The following KDM4C variants were observed in gnomAD, a reference collection of about 807,000 sequenced individuals.
KDM4C encodes the protein lysine-specific demethylase 4C.
Under a neutral mutation model 129.3 loss-of-function variants are expected in KDM4C, and 81 were observed. That is an observed-to-expected ratio of 0.63 (90% CI 0.52 to 0.75). The LOEUF (loss-of-function observed/expected upper bound fraction) is 0.75. Among genes scored for constraint, KDM4C ranks in the 30% least tolerant of loss-of-function variants. The pLI is 0.00. For missense variants in KDM4C, 1,457 were observed against 1,304.0 expected, an observed-to-expected ratio of 1.12 and a Z score of -1.81; for synonymous variants, 573 against 456.1, an observed-to-expected ratio of 1.26 and a Z score of -3.26.
intron 2 of KDM4C, among the ~76,000 whole-genome samples, chr9:6,797,983 AATCT>A (rs770888517): frequency 6.6e-6 from 1 of 152,188 alleles, no homozygotes; most frequent in Non-Finnish European, 1.5e-5. Flanking sequence ...TTAACTTTGG[AATCT>A]TTTAAAGATC....
chr9:7,000,411 T>G (rs1428752952), intron 12 of KDM4C, among the ~76,000 whole-genome samples: 2 of 152,238 alleles, frequency 1.3e-5, no homozygotes, highest in African/African-American at 2.4e-5. Context: ...TGATCAGGTT[T>G]CTGAATGTGC....
At chr9:6,890,709 G>A (rs1487157016) in intron 7 of KDM4C, among the ~76,000 whole-genome samples, 1 of 152,050 alleles carries the variant, frequency 6.6e-6, no homozygotes, top group East Asian at 1.9e-4. Flanking sequence ...CCATGGAGCG[G>A]GAAAAGTAGT....
At chr9:6,997,237 C>T (rs1017140482) in intron 12 of KDM4C, among the ~76,000 whole-genome samples, 4 of 152,060 alleles carry the variant, frequency 2.6e-5, no homozygotes, top group Admixed American at 1.3e-4. Flanking sequence ...AAGTTGTGGC[C>T]GTTGAGGAGA....
chr9:6,742,690 T>C (rs989207086), intron 1 of KDM4C, among the ~76,000 whole-genome samples: 2 of 151,304 alleles, frequency 1.3e-5, no homozygotes. Flanking sequence ...AATTTTTTTT[T>C]TTTTAGAAGG....
In KDM4C at chr9:6,811,244, G is replaced by A. The variant is rs1283488381; in HGVS notation, c.321-3387G>A. ...TCTCGGCTCACTGCAACCTCCGCCT[G>A]CTGGGTTCAAGTGATTCTCCTGCCT... On this transcript the variant is annotated intron_variant, in intron 3 of 21. Coordinates refer to ENST00000381309, the MANE Select transcript of KDM4C (RefSeq NM_015061.6). Among the ~76,000 whole-genome samples the A allele has an allele frequency of 3.9e-5, 6 of 152,068 alleles. No individual in the cohort carries two copies. In the East Asian group the frequency reaches 9.7e-4, roughly 25 times the overall value.
chr9:6,918,213 A>G (rs1820687534), intron 8 of KDM4C, among the ~76,000 whole-genome samples: 2 of 151,994 alleles, frequency 1.3e-5, no homozygotes, highest in African/African-American at 2.4e-5. Context: ...TACAGTTCCC[A>G]TCTTTGTGTC....
At chr9:7,049,379 G>T (rs978618825) in intron 17 of KDM4C, among the ~76,000 whole-genome samples, 179 bp downstream of exon 17, 3 of 151,468 alleles carry the variant, frequency 2.0e-5, no homozygotes, top group Admixed American at 6.6e-5. Context: ...CTGTTATATT[G>T]TAAGTTTGCA....
intron 8 of KDM4C, among the ~76,000 whole-genome samples, chr9:6,919,283 C>A (rs540648135): frequency 3.1e-3 from 199 of 63,210 alleles, no homozygotes; most frequent in African/African-American, 0.01. Context: ...GTCTCTCTCT[C>A]TCTCTTTCTT....
chr9:7,106,169 T>A (rs188543579), intron 18 of KDM4C, among the ~76,000 whole-genome samples: 1 of 152,352 alleles, frequency 6.6e-6, no homozygotes, highest in Admixed American at 6.5e-5. Context: ...AACTAACCAG[T>A]AGGAATTTAT....
intron 12 of KDM4C, among the ~76,000 whole-genome samples, chr9:6,992,720 C>G (rs956868905): frequency 1.3e-5 from 2 of 152,192 alleles, no homozygotes; most frequent in Non-Finnish European, 2.9e-5. Flanking sequence ...TGGGAGCATA[C>G]AATTCCAAAT....
chr9:6,859,473 CAA>C (rs58056883), intron 5 of KDM4C, among the ~76,000 whole-genome samples: 2,031 of 47,698 alleles, frequency 0.043, 5 homozygotes, highest in African/African-American at 0.09. Flanking sequence ...GACTCTGTCT[CAA>C]AAAAAAAAAA....
chr9:6,823,964 A>T (rs1235395383), intron 4 of KDM4C, among the ~76,000 whole-genome samples: 1 of 152,238 alleles, frequency 6.6e-6, no homozygotes, highest in Admixed American at 6.5e-5. Flanking sequence ...TGACAGCAGT[A>T]ATGCCAATAC....
At chr9:6,843,075 A>G (rs987348753) in intron 4 of KDM4C, among the ~76,000 whole-genome samples, 1 of 152,144 alleles carries the variant, frequency 6.6e-6, no homozygotes, top group Non-Finnish European at 1.5e-5. Context: ...GATTATAGGC[A>G]TGTGCCACCA....
chr9:6,917,003 C>T (rs936203616), intron 8 of KDM4C, among the ~76,000 whole-genome samples: 5 of 152,150 alleles, frequency 3.3e-5, no homozygotes, highest in Admixed American at 2.6e-4. Context: ...TCATATTCCA[C>T]CCACGAAGAT....
chr9:6,847,571 T>C (rs1434052859), intron 4 of KDM4C, among the ~76,000 whole-genome samples: 1 of 152,136 alleles, frequency 6.6e-6, no homozygotes, highest in African/African-American at 2.4e-5. Context: ...TTTGTATTTT[T>C]AGTAGAGACA....
intron 17 of KDM4C, among the ~76,000 whole-genome samples, chr9:7,102,524 G>A (rs901289555): frequency 8.6e-5 from 13 of 151,996 alleles, no homozygotes; most frequent in Non-Finnish European, 1.8e-4. Context: ...CACCGTGGGC[G>A]GAGGCAGTGG....
intron 1 of KDM4C, among the ~76,000 whole-genome samples, chr9:6,779,621 C>T (rs542153660): frequency 6.6e-6 from 1 of 152,190 alleles, no homozygotes; most frequent in African/African-American, 2.4e-5. Flanking sequence ...CAGCAGTGTT[C>T]TGGGAGACAT....
intron 17 of KDM4C, among the ~76,000 whole-genome samples, chr9:7,081,696 G>T (rs866152334): frequency 1.3e-5 from 2 of 152,170 alleles, no homozygotes; most frequent in South Asian, 2.1e-4. Flanking sequence ...GGGAAATCTG[G>T]AAGTACGATA....
chr9:6,741,282 C>T (rs1046384529), intron 1 of KDM4C, among the ~76,000 whole-genome samples: 1 of 151,932 alleles, frequency 6.6e-6, no homozygotes, highest in Non-Finnish European at 1.5e-5. Flanking sequence ...GTAGTCCCAG[C>T]TACTCAGGAG....
Sources: allele counts gnomAD v4.1 joint callset (sites outside exome capture counted in the v4.1 genomes callset), GRCh38; gene constraint gnomAD v4.1.1; transcripts MANE v1.5; gene names NCBI Gene and HGNC (gene_info 2026-07-23, HGNC 2026-07-21).